VOPP1: variants seen among roughly 807,000 people sequenced by gnomAD.
The protein encoded by VOPP1 is VOPP1 WW domain binding protein.
VOPP1 carries 8 observed loss-of-function variants against 23.5 expected under a neutral mutation model. The observed-to-expected ratio is 0.34, with a 90% CI of 0.20 to 0.61. The LOEUF (loss-of-function observed/expected upper bound fraction) is 0.61, where lower values mean the gene tolerates loss of function less well. Among genes scored for constraint, VOPP1 ranks in the 20% least tolerant of loss-of-function variants. The probability of loss-of-function intolerance (pLI) is 0.78; values close to 1 mark genes in which losing one functional copy is unlikely to be tolerated. For missense variants in VOPP1, 174 were observed against 238.1 expected (o/e 0.73, Z 1.77); for synonymous variants, 83 against 97.3 (o/e 0.85, Z 0.86).
intron 2 of VOPP1, among the ~76,000 whole-genome samples, chr7:55,513,981 T>C (rs1171814358): frequency 4.6e-5 from 7 of 152,236 alleles, no homozygotes; most frequent in South Asian, 2.1e-4. Flanking sequence ...TCTGGGTAAC[T>C]GTCAGAAAGC....
chr7:55,482,482 A>ATTTT lies in VOPP1; in HGVS notation c.329-9441_329-9438dup, dbSNP rs71031859. Among the ~76,000 whole-genome samples the ATTTT allele has an allele frequency of 9.8e-3, 1,299 of 132,698 alleles. 28 individuals carry two copies. The highest frequency in any genetic ancestry group is 0.035 in the African/African-American group (1,202 of 33,886). The allele number at this position is 132,698 out of a possible 152,430, so 87.1% of individuals were successfully genotyped here. A position where few individuals can be genotyped will look rare whatever the true frequency, so the allele number is the denominator to read the frequency against. On this transcript the variant is annotated intron_variant, in intron 4 of 4. Transcript: ENST00000285279. ...AGGCACCCACCACCACACCTGGCTAATTTTTTTTTTTTTTTTTTTTTTGTA... is the reference window on the plus strand; with the variant it reads ...AGGCACCCACCACCACACCTGGCTAATTTTTTTTTTTTTTTTTTTTTTTTTTGTA...
chr7:55,488,753 A>G (rs1286946445), intron 4 of VOPP1, among the ~76,000 whole-genome samples: 1 of 151,942 alleles, frequency 6.6e-6, no homozygotes, highest in Non-Finnish European at 1.5e-5. Context: ...CAGGCATCCC[A>G]CGCCTGAACC....
downstream of VOPP1, chr7:55,470,519 CCCACTGAA>C (rs112093558): frequency 0.012 from 1,830 of 152,296 alleles, 13 homozygotes; most frequent in Admixed American, 0.021. Context: ...CCCACCTCAC[CCCACTGAA>C]CCAAGGATCT....
At chr7:55,564,192 A>G (rs1191213294) in intron 1 of VOPP1, among the ~76,000 whole-genome samples, 5 of 150,928 alleles carry the variant, frequency 3.3e-5, no homozygotes, top group Non-Finnish European at 5.9e-5. Context: ...ACTAGGAACT[A>G]GGAGCTTCTT....
At chr7:55,557,952 AC>A (rs1461239837) in intron 1 of VOPP1, among the ~76,000 whole-genome samples, 2 of 152,202 alleles carry the variant, frequency 1.3e-5, no homozygotes, top group Admixed American at 1.3e-4. Flanking sequence ...AGGGCCAAAG[AC>A]GTTCTAATCA....
At chr7:55,448,812 C>A (rs1040886256) in intron 4 of VOPP1, among the ~76,000 whole-genome samples, 5 of 152,220 alleles carry the variant, frequency 3.3e-5, no homozygotes, top group Non-Finnish European at 5.9e-5. Context: ...GCGCCCCTGG[C>A]GAGGAGCAGC....
At chr7:55,464,360 C>T (rs781347244) in intron 4 of VOPP1, among the ~76,000 whole-genome samples, 10 of 152,058 alleles carry the variant, frequency 6.6e-5, no homozygotes, top group Non-Finnish European at 1.0e-4. Context: ...GCTTGGGTGC[C>T]GGTGGTGGTG....
intron 4 of VOPP1, among the ~76,000 whole-genome samples, chr7:55,458,532 C>A (rs112621846): frequency 0.012 from 1,828 of 152,076 alleles, 13 homozygotes; most frequent in Admixed American, 0.021. Context: ...GATATTAATT[C>A]TTCTGATTCA....
intron 1 of VOPP1, among the ~76,000 whole-genome samples, chr7:55,566,886 A>G (rs1798180104): frequency 6.6e-6 from 1 of 152,226 alleles, no homozygotes; most frequent in Admixed American, 6.5e-5. Flanking sequence ...ACACACACAC[A>G]AAATGGGACC....
At chr7:55,544,736 G>A (rs74713562) in intron 1 of VOPP1, among the ~76,000 whole-genome samples, 61 of 152,252 alleles carry the variant, frequency 4.0e-4, no homozygotes, top group African/African-American at 1.4e-3. Context: ...GGTGGAGACC[G>A]TGGAACTCAA....
chr7:55,544,625 G>T (rs1321299528), intron 1 of VOPP1, among the ~76,000 whole-genome samples: 1 of 152,202 alleles, frequency 6.6e-6, no homozygotes, highest in Non-Finnish European at 1.5e-5. Flanking sequence ...TTTCAGGGAG[G>T]ACCTCACCAG....
chr7:55,542,257 T>G (rs1219714465), intron 1 of VOPP1, among the ~76,000 whole-genome samples: 1 of 152,208 alleles, frequency 6.6e-6, no homozygotes, highest in African/African-American at 2.4e-5. Flanking sequence ...TCACTTCCTG[T>G]GTTGGGAACA....
chr7:55,475,025 T>C (rs1165067138), intron 4 of VOPP1, among the ~76,000 whole-genome samples: 1 of 152,110 alleles, frequency 6.6e-6, no homozygotes, highest in African/African-American at 2.4e-5. Context: ...CACACCATGG[T>C]AGACACAGGT....
chr7:55,496,377 C>T (rs1218522058), intron 3 of VOPP1, among the ~76,000 whole-genome samples: 1 of 152,236 alleles, frequency 6.6e-6, no homozygotes, highest in Admixed American at 6.5e-5. Context: ...CTGGTACTGG[C>T]CCCCTCAATC....
At chr7:55,511,704 C>A (rs1382176263) in intron 2 of VOPP1, among the ~76,000 whole-genome samples, 1 of 152,218 alleles carries the variant, frequency 6.6e-6, no homozygotes, top group East Asian at 1.9e-4. Context: ...CCCTCACCTA[C>A]CTGTGACCTG....
At chr7:55,530,870 C>T (rs1293619101) in intron 1 of VOPP1, 1 of 152,208 alleles carries the variant, frequency 6.6e-6, no homozygotes, top group Admixed American at 6.5e-5. Flanking sequence ...GAGCAGAAAT[C>T]AAACACAAGT....
At chr7:55,523,280 G>A (rs1024327498) in intron 1 of VOPP1, among the ~76,000 whole-genome samples, 8 of 152,154 alleles carry the variant, frequency 5.3e-5, no homozygotes, top group African/African-American at 7.2e-5. Context: ...AAAAGGAAAC[G>A]TGTACATTTG....
At chr7:55,487,601 G>A (rs146208663) in intron 4 of VOPP1, among the ~76,000 whole-genome samples, 15 of 152,300 alleles carry the variant, frequency 9.8e-5, no homozygotes, top group African/African-American at 3.4e-4. Flanking sequence ...GGGACTACAG[G>A]TGTATGTCAC....
chr7:55,481,742 C>G (rs976171738), intron 4 of VOPP1, among the ~76,000 whole-genome samples: 1 of 152,136 alleles, frequency 6.6e-6, no homozygotes, highest in African/African-American at 2.4e-5. Flanking sequence ...GCTGACTCTC[C>G]GGCCCTGTGC....
Sources: gnomAD v4.1 joint callset for allele counts (sites outside exome capture counted in the v4.1 genomes callset) on GRCh38, gnomAD v4.1.1 for gene constraint, MANE v1.5 for transcripts, NCBI Gene and HGNC (gene_info 2026-07-23, HGNC 2026-07-21) for gene names.